The following KCNQ3 variants were observed in gnomAD, a reference collection of about 807,000 sequenced individuals.
KCNQ3 encodes potassium voltage-gated channel subfamily KQT member 3.
A neutral mutation model predicts 92.5 loss-of-function variants in KCNQ3; 30 were observed. That is an observed-to-expected ratio of 0.32 (90% CI 0.24 to 0.44). The LOEUF (loss-of-function observed/expected upper bound fraction) is 0.44. KCNQ3 is among the 20% of genes least tolerant of loss of function. The probability of loss-of-function intolerance (pLI) is 1.00; values close to 1 mark genes in which losing one functional copy is unlikely to be tolerated. For missense variants in KCNQ3, 913 were observed against 1,140.3 expected, an observed-to-expected ratio of 0.80 and a Z score of 2.87; for synonymous variants, 450 against 468.8, an observed-to-expected ratio of 0.96 and a Z score of 0.52.
At chr8:132,379,907 A>G (rs910496265) in intron 1 of KCNQ3, among the ~76,000 whole-genome samples, 3 of 129,258 alleles carry the variant, frequency 2.3e-5, no homozygotes, top group African/African-American at 8.8e-5. Flanking sequence ...TTTTTTTTAC[A>G]TTTATTTTTT....
rs1435182665 is a variant in KCNQ3 at position 132,127,585 on chromosome 8, T to C, written c.*1677A>G. 7 of 152,188 alleles carry C rather than the reference T, an allele frequency of 4.6e-5. No individual in the cohort carries two copies. Among genetic ancestry groups the C allele is most frequent in the African/African-American group, 1.7e-4 (7 of 41,430 alleles). 9.4% of individuals were successfully genotyped at this position (152,188 alleles called of 1,614,324 possible). ...CTCTTGACAAGACTGTGAGGGAGAA[T>C]AGCAGTGTCAGCTGCATACAGACAT... On this transcript the variant is annotated 3_prime_UTR_variant, in exon 15 of 15. Coordinates refer to ENST00000388996, the MANE Select transcript of KCNQ3 (RefSeq NM_004519.4).
At chr8:132,299,560 T>G (rs949786084) in intron 1 of KCNQ3, among the ~76,000 whole-genome samples, 1 of 151,902 alleles carries the variant, frequency 6.6e-6, no homozygotes, top group Admixed American at 6.6e-5. Context: ...AGGGAATAAA[T>G]GAACAAATAA....
intron 1 of KCNQ3, among the ~76,000 whole-genome samples, chr8:132,294,528 A>G (rs1415541514): frequency 6.6e-6 from 1 of 152,204 alleles, no homozygotes; most frequent in African/African-American, 2.4e-5. Flanking sequence ...GGAAATTCTC[A>G]TTCTGGGGCT....
chr8:132,330,484 T>A (rs1042100802), intron 1 of KCNQ3, among the ~76,000 whole-genome samples: 6 of 152,260 alleles, frequency 3.9e-5, no homozygotes, highest in African/African-American at 1.2e-4. Flanking sequence ...CTCAGGCACA[T>A]CACCTTCCTC....
At chr8:132,430,397 T>C in intron 1 of KCNQ3, among the ~76,000 whole-genome samples, 1 of 152,168 alleles carries the variant, frequency 6.6e-6, no homozygotes, top group East Asian at 1.9e-4. Flanking sequence ...CTCAATAATG[T>C]GGTAGAGAAA....
At chr8:132,351,565 A>T (rs1245849112) in intron 1 of KCNQ3, among the ~76,000 whole-genome samples, 1 of 152,212 alleles carries the variant, frequency 6.6e-6, no homozygotes, top group East Asian at 1.9e-4. Flanking sequence ...TCCCTCCTCC[A>T]CAGTGGCTGT....
intron 1 of KCNQ3, among the ~76,000 whole-genome samples, chr8:132,272,828 C>T (rs1816195357): frequency 6.6e-6 from 1 of 152,126 alleles, no homozygotes; most frequent in Non-Finnish European, 1.5e-5. Flanking sequence ...AACAGCCAAA[C>T]CATATATTCC....
chr8:132,298,768 G>GA (rs1242662074), intron 1 of KCNQ3, among the ~76,000 whole-genome samples: 2 of 152,108 alleles, frequency 1.3e-5, no homozygotes, highest in Non-Finnish European at 2.9e-5. Flanking sequence ...AATTTGCTGG[G>GA]CATGGTGGCG....
intron 1 of KCNQ3, among the ~76,000 whole-genome samples, chr8:132,356,412 C>T (rs927742796): frequency 3.3e-5 from 5 of 152,212 alleles, no homozygotes; most frequent in Admixed American, 1.3e-4. Context: ...TAAGACTACA[C>T]ATTCAAGTAT....
chr8:132,188,800 T>G (rs1252083028), intron 1 of KCNQ3, among the ~76,000 whole-genome samples: 1 of 152,208 alleles, frequency 6.6e-6, no homozygotes, highest in Non-Finnish European at 1.5e-5. Flanking sequence ...GACCCACGTG[T>G]TCACATGCTT....
Position 132,241,812 on chromosome 8 carries a change from C to T in KCNQ3, c.387-55631G>A, listed in dbSNP as rs924201486. ...TGGTGCCACTGCACTCCAGCCTGGG[C>T]GACAAGAGCGAGACTCCGTCTAAAT... On this transcript the variant is annotated intron_variant, in intron 1 of 14. Transcript: ENST00000388996. 3.3e-5 allele frequency among the ~76,000 whole-genome samples: 5 copies of T among 151,888 alleles called. No individual in the cohort carries two copies. The East Asian group carries it at 5.8e-4, about 18-fold the overall frequency.
In KCNQ3 at chr8:132,128,503, GTGTA is replaced by G. The variant is rs886062684; in HGVS notation, c.*755_*758del. On this transcript the variant is annotated 3_prime_UTR_variant, in exon 15 of 15. Transcript: ENST00000388996. ...ATAAATTGGAAACTATTTTAACTTT[GTGTA>G]TGTGTGTGTGTGTGTGTGTGTGTGT... 15 of 109,672 alleles carry G rather than the reference GTGTA, an allele frequency of 1.4e-4. No individual in the cohort carries two copies. Among genetic ancestry groups the G allele is most frequent in the African/African-American group, 3.6e-4 (11 of 30,570 alleles). The allele number at this position is 109,672 out of a possible 1,614,324, so 6.8% of individuals were successfully genotyped here.
intron 1 of KCNQ3, among the ~76,000 whole-genome samples, chr8:132,247,150 C>A (rs764393873): frequency 3.3e-5 from 5 of 152,164 alleles, no homozygotes; most frequent in Non-Finnish European, 7.3e-5. Context: ...ATCTATATAC[C>A]TGCATTTCCC....
intron 1 of KCNQ3, among the ~76,000 whole-genome samples, chr8:132,227,575 G>A (rs1814473005): frequency 6.6e-6 from 1 of 152,148 alleles, no homozygotes; most frequent in South Asian, 2.1e-4. Context: ...AAGCCACTCA[G>A]TTTGTGTTAT....
intron 1 of KCNQ3, among the ~76,000 whole-genome samples, chr8:132,381,343 A>G (rs1212904376): frequency 6.6e-6 from 1 of 152,218 alleles, no homozygotes; most frequent in Admixed American, 6.5e-5. Flanking sequence ...GCACACTCAG[A>G]CAAATGTGCC....
At chr8:132,325,022 G>A (rs1400771954) in intron 1 of KCNQ3, among the ~76,000 whole-genome samples, 1 of 150,904 alleles carries the variant, frequency 6.6e-6, no homozygotes, top group Non-Finnish European at 1.5e-5. Flanking sequence ...AAATAAATCA[G>A]GGCAGCTTGT....
chr8:132,231,143 T>G (rs1002074023), intron 1 of KCNQ3, among the ~76,000 whole-genome samples: 16 of 152,164 alleles, frequency 1.1e-4, no homozygotes, highest in African/African-American at 3.9e-4. Context: ...CAGCAGAAGC[T>G]GGGAAGGGCC....
intron 1 of KCNQ3, among the ~76,000 whole-genome samples, chr8:132,186,956 C>CAGAGAGAGAGAGAGAGAGAGAGAGAG (rs1160355665): frequency 2.1e-5 from 2 of 94,184 alleles, no homozygotes; most frequent in African/African-American, 4.4e-5. Context: ...GAGAGAGAGA[C>CAGAGAGAGAGAGAGAGAGAGAGAGAG]AGAGAGAGAG....
intron 1 of KCNQ3, among the ~76,000 whole-genome samples, chr8:132,384,621 T>G (rs867707502): frequency 6.6e-6 from 1 of 152,174 alleles, no homozygotes; most frequent in Non-Finnish European, 1.5e-5. Flanking sequence ...TAACGGCAAC[T>G]TGGAGACAAA....
Sources: allele counts gnomAD v4.1 joint callset (sites outside exome capture counted in the v4.1 genomes callset), GRCh38; gene constraint gnomAD v4.1.1; transcripts MANE v1.5; gene names NCBI Gene and HGNC (gene_info 2026-07-23, HGNC 2026-07-21).